CHD7: variants seen among roughly 807,000 people sequenced by gnomAD.
CHD7 encodes the protein ATP-dependent chromatin remodeler CHD7.
CHD7 carries 24 observed loss-of-function variants against 307.3 expected under a neutral mutation model. The observed-to-expected ratio is 0.08, with a 90% CI of 0.06 to 0.11. The LOEUF (loss-of-function observed/expected upper bound fraction) is 0.11. CHD7 is among the 10% of genes least tolerant of loss of function. The probability of loss-of-function intolerance (pLI) is 1.00; values close to 1 mark genes in which losing one functional copy is unlikely to be tolerated. For missense variants in CHD7, 3,106 were observed against 3,727.1 expected (o/e 0.83, Z 4.34); for synonymous variants, 1,363 against 1,349.9 (o/e 1.01, Z -0.21).
chr8:60,770,155 G>A (rs1180322013), intron 2 of CHD7, among the ~76,000 whole-genome samples: 1 of 152,148 alleles, frequency 6.6e-6, no homozygotes, highest in Non-Finnish European at 1.5e-5. Context: ...AAATAAATTA[G>A]CAAATAATTG....
intron 4 of CHD7, among the ~76,000 whole-genome samples, chr8:60,796,282 A>C (rs1812030735): frequency 6.6e-6 from 1 of 152,212 alleles, no homozygotes; most frequent in African/African-American, 2.4e-5. Flanking sequence ...AGATATTGGG[A>C]AGGTAAGTAG....
At chr8:60,813,760 A>G (rs535160937) in intron 7 of CHD7, among the ~76,000 whole-genome samples, 2 of 151,920 alleles carry the variant, frequency 1.3e-5, no homozygotes, top group African/African-American at 2.4e-5. Context: ...GTCATGACAT[A>G]TTATTGTCTT....
At chr8:60,724,987 T>C (rs1808095528) in intron 1 of CHD7, among the ~76,000 whole-genome samples, 1 of 152,256 alleles carries the variant, frequency 6.6e-6, no homozygotes, top group African/African-American at 2.4e-5. Flanking sequence ...CCTTTCCATA[T>C]TGAGAACAGA....
chr8:60,851,073 C>A lies in CHD7; in HGVS notation c.5576C>A (p.Pro1859Gln). 6.4e-7 allele frequency: 1 copy of A among 1,574,478 alleles called. No homozygotes were observed. Among genetic ancestry groups the A allele is most frequent in the Non-Finnish European group, 8.6e-7 (1 of 1,158,734 alleles). Residue 1859 changes from proline (P) to glutamine (Q), a missense_variant, in exon 27 of 38, where the codon CCA becomes CAA. By Grantham distance (76) the Pro-to-Gln change is moderately conservative (BLOSUM62 -1). Around this residue, in one of 10 missense-constraint regions of CHD7, gnomAD observed 1,030 missense variants for 1,165.4 expected, o/e 0.88. Coordinates refer to ENST00000423902, the MANE Select transcript of CHD7 (RefSeq NM_017780.4). Reference protein sequence around the residue: ...DREDEDPEYKPTRTPFKDEID... With the variant: ...DREDEDPEYKQTRTPFKDEID... ...GAAGATGAAGACCCAGAATATAAAC[C>A]AACCAGAACACCGTTCAAAGATGAA...
At chr8:60,719,123 A>G (rs1807767203) in intron 1 of CHD7, among the ~76,000 whole-genome samples, 1 of 152,254 alleles carries the variant, frequency 6.6e-6, no homozygotes, top group Admixed American at 6.5e-5. Context: ...TAGGTGACAC[A>G]TGACTATGTT....
chr8:60,702,590 G>T (rs879547503), intron 1 of CHD7, among the ~76,000 whole-genome samples: 2 of 152,170 alleles, frequency 1.3e-5, no homozygotes, highest in Non-Finnish European at 2.9e-5. Flanking sequence ...ACTTAAAAAC[G>T]AAATCTCTTA....
At chr8:60,713,099 T>G (rs1807367347) in intron 1 of CHD7, among the ~76,000 whole-genome samples, 2 of 145,580 alleles carry the variant, frequency 1.4e-5, no homozygotes, top group Non-Finnish European at 3.0e-5. Context: ...GCTATAGAGA[T>G]TTTTGTGGAC....
chr8:60,774,830 A>G (rs765808436), intron 2 of CHD7, among the ~76,000 whole-genome samples: 18 of 152,186 alleles, frequency 1.2e-4, no homozygotes, highest in African/African-American at 3.4e-4. Flanking sequence ...ATCCCAGTCA[A>G]TCTGACTATA....
At chr8:60,684,402 G>A (rs904899092) in intron 1 of CHD7, among the ~76,000 whole-genome samples, 3 of 152,170 alleles carry the variant, frequency 2.0e-5, no homozygotes, top group Admixed American at 6.5e-5. Context: ...AAGATGCAAT[G>A]CTATGAATTG....
At chr8:60,767,030 G>A (rs1272361913) in intron 2 of CHD7, among the ~76,000 whole-genome samples, 1 of 152,158 alleles carries the variant, frequency 6.6e-6, no homozygotes, top group Non-Finnish European at 1.5e-5. Context: ...GAAGAGCCTG[G>A]AAGATAGGAG....
rs1330053474 is a variant in CHD7 at position 60,867,963 on chromosome 8, T to C, written c.*2030T>C. ...AGTATAGGAAATTTAAGTATTTAAG[T>C]AACAAAGATGTTAGCAGGGAGAATT... On this transcript the variant is annotated 3_prime_UTR_variant, in exon 38 of 38. Transcript: ENST00000423902. 2 of 151,848 alleles carry C rather than the reference T, an allele frequency of 1.3e-5. No individual in the cohort carries two copies. Among genetic ancestry groups the C allele is most frequent in the African/African-American group, 2.4e-5 (1 of 41,096 alleles). The allele number at this position is 151,848 out of a possible 1,614,324, so 9.4% of individuals were successfully genotyped here. A position where few individuals can be genotyped will look rare whatever the true frequency, so the allele number is the denominator to read the frequency against.
At chr8:60,831,244 G>A (rs922180306) in intron 15 of CHD7, among the ~76,000 whole-genome samples, 9 of 152,072 alleles carry the variant, frequency 5.9e-5, no homozygotes, top group Non-Finnish European at 1.0e-4. Flanking sequence ...GGGAGCATTC[G>A]CCACAAGCAG....
intron 1 of CHD7, among the ~76,000 whole-genome samples, chr8:60,704,436 C>A (rs939235882): frequency 6.6e-6 from 1 of 151,932 alleles, no homozygotes. Context: ...TAGAAAGACT[C>A]ACCTGAGGAA....
chr8:60,835,236 G>T (rs369706678), intron 15 of CHD7, among the ~76,000 whole-genome samples: 1 of 152,156 alleles, frequency 6.6e-6, no homozygotes, highest in Non-Finnish European at 1.5e-5. Flanking sequence ...CGTGTGTCAG[G>T]CAGGGATGTC....
intron 6 of CHD7, among the ~76,000 whole-genome samples, chr8:60,803,248 G>A (rs956553388): frequency 7.9e-5 from 12 of 152,166 alleles, no homozygotes; most frequent in Non-Finnish European, 1.2e-4. Context: ...GTTTAGATGG[G>A]ATATATTAAT....
At chr8:60,716,270 A>C (rs1337721171) in intron 1 of CHD7, among the ~76,000 whole-genome samples, 5 of 152,194 alleles carry the variant, frequency 3.3e-5, no homozygotes, top group Non-Finnish European at 1.5e-5. Context: ...TAGCAGTCAA[A>C]GTCATCTCTC....
intron 18 of CHD7, 47 bp from the exon 19 acceptor site, chr8:60,838,029 C>T: frequency 7.2e-7 from 1 of 1,386,596 alleles, no homozygotes; most frequent in South Asian, 1.6e-5. Flanking sequence ...CTGCAAACCT[C>T]TTAATTTTAA....
Position 60,852,356 on chromosome 8 carries a change from A to G in CHD7, c.5894+109A>G. ...TATCAAAGGTAGTGACCACCAAAGA[A>G]AGGCTCGCTCCAACAAAGCAGTCTG... On this transcript the variant is annotated intron_variant, in intron 29 of 37. Transcript: ENST00000423902. 3.8e-6 allele frequency: 5 copies of G among 1,300,304 alleles called. No homozygotes were observed. The South Asian group carries it at 4.4e-5, about 11-fold the overall frequency. The allele number at this position is 1,300,304 out of a possible 1,614,324, so 80.5% of individuals were successfully genotyped here.
At chr8:60,822,769 C>T (rs1033026022) in intron 12 of CHD7, 23 bp downstream of exon 12, 1 of 1,585,506 alleles carries the variant, frequency 6.3e-7, no homozygotes, top group South Asian at 1.2e-5. Context: ...AGGTTGTATT[C>T]TTTGTACTTA....
Sources: gnomAD v4.1 joint callset for allele counts (sites outside exome capture counted in the v4.1 genomes callset) on GRCh38, gnomAD v4.1.1 for gene constraint, gnomAD v4.1.1 regional missense constraint, MANE v1.5 for transcripts, NCBI Gene and HGNC (gene_info 2026-07-23, HGNC 2026-07-21) for gene names.